The following ADAMTS17 variants were observed in gnomAD, a reference collection of about 807,000 sequenced individuals.
ADAMTS17 encodes the protein ADAM metallopeptidase with thrombospondin type 1 motif 17, also known as A disintegrin and metalloproteinase with thrombospondin motifs 17.
Under a neutral mutation model 141.5 loss-of-function variants are expected in ADAMTS17, and 113 were observed. The observed-to-expected ratio is 0.80, with a 90% CI of 0.69 to 0.93. The LOEUF is 0.93. ADAMTS17 is among the 40% of genes least tolerant of loss of function. ADAMTS17 has a pLI of 0.00. For synonymous variants in ADAMTS17, 768 were observed against 630.6 expected (o/e 1.22, Z -3.27); for missense variants, 1,659 against 1,517.9 (o/e 1.09, Z -1.54).
At chr15:100,210,013 T>A (rs1234871325) in intron 7 of ADAMTS17, among the ~76,000 whole-genome samples, 1 of 152,004 alleles carries the variant, frequency 6.6e-6, no homozygotes, top group Non-Finnish European at 1.5e-5. Context: ...CGCGGGCAGA[T>A]CATGAGGTCA....
intron 12 of ADAMTS17, chr15:100,128,796 C>T (rs570603177): frequency 6.6e-6 from 1 of 152,260 alleles, no homozygotes; most frequent in Non-Finnish European, 1.5e-5. Flanking sequence ...TGTTTAGGAT[C>T]CCCCCAGAGC....
At chr15:100,133,623 C>T in intron 10 of ADAMTS17, among the ~76,000 whole-genome samples, 1 of 152,120 alleles carries the variant, frequency 6.6e-6, no homozygotes, top group Admixed American at 6.5e-5. Flanking sequence ...AGCAGCAGCC[C>T]CTGCCTCCCA....
chr15:100,313,114 A>C (rs981169415), intron 3 of ADAMTS17, among the ~76,000 whole-genome samples: 7 of 152,222 alleles, frequency 4.6e-5, no homozygotes, highest in African/African-American at 1.4e-4. Flanking sequence ...AATAGCTTCC[A>C]TGGTTCATAA....
At chr15:100,151,254 G>A (rs1012195028) in intron 10 of ADAMTS17, among the ~76,000 whole-genome samples, 2 of 152,192 alleles carry the variant, frequency 1.3e-5, no homozygotes, top group Non-Finnish European at 2.9e-5. Flanking sequence ...ACTACAGTGT[G>A]GATAAACGTC....
At chr15:100,007,985 G>C (rs2061071046) in intron 18 of ADAMTS17, among the ~76,000 whole-genome samples, 1 of 152,134 alleles carries the variant, frequency 6.6e-6, no homozygotes, top group Non-Finnish European at 1.5e-5. Flanking sequence ...GTGACCGCCA[G>C]GTCAGGGATG....
chr15:100,280,494 G>A lies in ADAMTS17; in HGVS notation c.789+735C>T, dbSNP rs570788841. 9.2e-5 allele frequency among the ~76,000 whole-genome samples: 14 copies of A among 152,088 alleles called. No homozygotes were observed. The South Asian group carries it at 1.5e-3, about 16-fold the overall frequency. On this transcript the variant is annotated intron_variant, in intron 4 of 21. Transcript: ENST00000268070. ...GCTGTTCTTCCTAACATCAACCTCG[G>A]CACACTGCTCCCCTCCCCTTCAGTG... is the stretch of plus-strand genomic sequence containing the variant.
intron 10 of ADAMTS17, among the ~76,000 whole-genome samples, chr15:100,137,470 G>A (rs999123989): frequency 2.6e-5 from 4 of 152,214 alleles, no homozygotes; most frequent in Non-Finnish European, 5.9e-5. Context: ...AGGAGTGAAA[G>A]GGTGGGGCTT....
chr15:99,998,873 A>G (rs1457357237), intron 18 of ADAMTS17, among the ~76,000 whole-genome samples: 3 of 152,160 alleles, frequency 2.0e-5, no homozygotes, highest in Non-Finnish European at 4.4e-5. Context: ...GCCACCTGAC[A>G]AAGCAGCTTG....
intron 15 of ADAMTS17, 132 bp from the exon 16 acceptor site, chr15:100,054,186 A>G: frequency 9.7e-7 from 1 of 1,028,556 alleles, no homozygotes. Flanking sequence ...GGGAGGCCTG[A>G]AGCGAGAGAA....
intron 7 of ADAMTS17, among the ~76,000 whole-genome samples, chr15:100,252,153 T>C (rs2043175051): frequency 6.6e-6 from 1 of 152,184 alleles, no homozygotes; most frequent in Non-Finnish European, 1.5e-5. Context: ...TAATGGCATA[T>C]TCCCATCAAA....
At chr15:100,162,211 A>G (rs12441904) in intron 8 of ADAMTS17, among the ~76,000 whole-genome samples, 3,134 of 152,140 alleles carry the variant, frequency 0.021, 164 homozygotes, top group East Asian at 0.19. Flanking sequence ...CAAGTACTCA[A>G]TTCTTGAATC....
At chr15:100,323,493 T>C (rs1369508836) in intron 3 of ADAMTS17, among the ~76,000 whole-genome samples, 1 of 152,178 alleles carries the variant, frequency 6.6e-6, no homozygotes, top group African/African-American at 2.4e-5. Context: ...CAGGTGTGCT[T>C]ACAGGGAAAT....
intron 17 of ADAMTS17, among the ~76,000 whole-genome samples, chr15:100,050,569 C>T (rs935301736): frequency 3.3e-5 from 5 of 152,202 alleles, no homozygotes; most frequent in African/African-American, 1.2e-4. Flanking sequence ...GGAAGAAACT[C>T]CTGTGTGTCT....
chr15:100,193,507 C>A (rs1275923726), intron 8 of ADAMTS17, among the ~76,000 whole-genome samples: 1 of 152,176 alleles, frequency 6.6e-6, no homozygotes, highest in African/African-American at 2.4e-5. Context: ...GGAATGTGGG[C>A]AAGGCCAGAA....
intron 15 of ADAMTS17, among the ~76,000 whole-genome samples, chr15:100,092,330 C>A (rs1749523694): frequency 6.6e-6 from 1 of 152,162 alleles, no homozygotes; most frequent in South Asian, 2.1e-4. Context: ...ACAACTTACT[C>A]CCATTGATTC....
chr15:100,211,369 T>C (rs920521029), intron 7 of ADAMTS17, among the ~76,000 whole-genome samples: 22 of 151,076 alleles, frequency 1.5e-4, no homozygotes, highest in Admixed American at 7.2e-4. Flanking sequence ...TTAAAAATAT[T>C]GAATAACTGG....
At position 100,174,418 on chromosome 15, in the gene ADAMTS17, G is replaced by A. The variant is rs527475700; in HGVS notation, c.1182-19098C>T. ...TAGGTTACTAAACCCTAGTTTGTGCGACTCTGTACCAAGTATCCTGGGTAT... is the reference window on the plus strand; with the variant it reads ...TAGGTTACTAAACCCTAGTTTGTGCAACTCTGTACCAAGTATCCTGGGTAT... On this transcript the variant is annotated intron_variant, in intron 8 of 21. Transcript: ENST00000268070. Among the ~76,000 whole-genome samples the A allele has an allele frequency of 7.3e-5, 11 of 150,410 alleles. No individual in the cohort carries two copies. In the East Asian group the frequency reaches 1.7e-3, roughly 24 times the overall value.
At position 100,169,960 on chromosome 15, in the gene ADAMTS17, G is replaced by T. The variant is rs147478297; in HGVS notation, c.1182-14640C>A. ...GGGCATTCAGGAGGCGGGGTTCAGGGTTGGTTCCCTTCTTCCCGGACACCT... is the reference window on the plus strand; with the variant it reads ...GGGCATTCAGGAGGCGGGGTTCAGGTTTGGTTCCCTTCTTCCCGGACACCT... On this transcript the variant is annotated intron_variant, in intron 8 of 21. Transcript: ENST00000268070. Among the ~76,000 whole-genome samples, 211 of 152,278 alleles carry T rather than the reference G, an allele frequency of 1.4e-3. 1 individual carries two copies. Among genetic ancestry groups the T allele is most frequent in the African/African-American group, 5.0e-3 (206 of 41,558 alleles).
chr15:100,151,330 C>CA (rs1442512516), intron 10 of ADAMTS17, among the ~76,000 whole-genome samples: 2 of 152,166 alleles, frequency 1.3e-5, no homozygotes, highest in Non-Finnish European at 2.9e-5. Context: ...TTAGCAACCC[C>CA]AAAGGTGGCA....
Sources: allele counts gnomAD v4.1 joint callset (sites outside exome capture counted in the v4.1 genomes callset), GRCh38; gene constraint gnomAD v4.1.1; transcripts MANE v1.5; gene names NCBI Gene and HGNC (gene_info 2026-07-23, HGNC 2026-07-21).